The following DPYS variants were observed in gnomAD, a reference collection of about 807,000 sequenced individuals.
DPYS encodes the protein dihydropyrimidinase, also known as dihydropyrimidine amidohydrolase.
Under a neutral mutation model 50.3 loss-of-function variants are expected in DPYS, and 39 were observed. The ratio of observed to expected loss-of-function variants is 0.78; its 90% CI spans 0.60 to 1.01. The LOEUF (loss-of-function observed/expected upper bound fraction) is 1.01, where lower values mean the gene tolerates loss of function less well. Ranked by LOEUF, DPYS falls within the 50% of genes least tolerant of loss-of-function variation. The pLI is 0.00. For missense variants in DPYS, 659 were observed against 680.9 expected (o/e 0.97, Z 0.36); for synonymous variants, 245 against 250.7 (o/e 0.98, Z 0.22).
Position 104,444,336 on chromosome 8 carries a change from G to A in DPYS, c.705C>T (p.Thr235=). 1 of 1,614,262 alleles carries A rather than the reference G, an allele frequency of 6.2e-7. No homozygotes were observed. Among genetic ancestry groups the A allele is most frequent in the Admixed American group, 1.7e-5 (1 of 60,028 alleles). ...VEAEATLRAI[T]IASAVNCPLY... ...GAGGACAGTTCACAGCGCTGGCTAT[G>A]GTGATGGCTCTCAGCGTGGCCTCTG... The change falls in exon 4 of 10, where the codon ACC becomes ACT. Residue 235 remains threonine (T), a synonymous_variant. Transcript: ENST00000351513.
At chr8:104,443,891 A>G (rs1813436497) in intron 4 of DPYS, among the ~76,000 whole-genome samples, 1 of 152,140 alleles carries the variant, frequency 6.6e-6, no homozygotes, top group Non-Finnish European at 1.5e-5. Flanking sequence ...AGACTCCATC[A>G]CAAAACAAAC....
rs563557950 is a variant in DPYS at position 104,387,466 on chromosome 8, G to A, written c.1443+5318C>T. Reference sequence around the variant, plus strand: ...GAGGAAGTGAACCCTCTGTGCAGAGGGGAGACTGAGGGAGCGATATCATAA... The same window carrying A: ...GAGGAAGTGAACCCTCTGTGCAGAGAGGAGACTGAGGGAGCGATATCATAA... On this transcript the variant is annotated intron_variant, in intron 8 of 9. Coordinates refer to ENST00000351513, the MANE Select transcript of DPYS (RefSeq NM_001385.3). 2.2e-4 allele frequency among the ~76,000 whole-genome samples: 33 copies of A among 152,268 alleles called. No homozygotes were observed. In the South Asian group the frequency reaches 6.6e-3, roughly 31 times the overall value.
At chr8:104,403,636 A>C (rs1038883035) in intron 7 of DPYS, among the ~76,000 whole-genome samples, 1 of 152,232 alleles carries the variant, frequency 6.6e-6, no homozygotes, top group Non-Finnish European at 1.5e-5. Flanking sequence ...TGAAAGGAAG[A>C]AGATGACCTA....
intron 7 of DPYS, chr8:104,421,486 T>C (rs929302795): frequency 3.9e-5 from 6 of 151,904 alleles, no homozygotes; most frequent in Non-Finnish European, 7.4e-5. Context: ...ACAAAAAAAT[T>C]AGCCGGGCGT....
Position 104,397,385 on chromosome 8 carries a change from T to G in DPYS, c.1236-4394A>C, listed in dbSNP as rs369866551. ...AGGTGCTTTATAAACATTTATGTGA[T>G]GATCAAATTAAAAGATTGCATGATT... On this transcript the variant is annotated intron_variant, in intron 7 of 9. Transcript: ENST00000351513. Among the ~76,000 whole-genome samples, 6 of 152,378 alleles carry G rather than the reference T, an allele frequency of 3.9e-5. 1 individual carries two copies. The highest frequency in any genetic ancestry group is 1.4e-4 in the African/African-American group (6 of 41,588).
At chr8:104,418,318 A>G (rs1812433370) in intron 7 of DPYS, among the ~76,000 whole-genome samples, 1 of 152,182 alleles carries the variant, frequency 6.6e-6, no homozygotes, top group Non-Finnish European at 1.5e-5. Context: ...ATTTTGTAGG[A>G]AAATTTGGGC....
intron 1 of DPYS, among the ~76,000 whole-genome samples, chr8:104,452,898 G>T (rs1813799424): frequency 6.6e-6 from 1 of 152,170 alleles, no homozygotes; most frequent in Admixed American, 6.5e-5. Context: ...TTCATGGTAA[G>T]TGCTTTATGG....
Position 104,389,476 on chromosome 8 carries a change from C to A in DPYS, c.1443+3308G>T, listed in dbSNP as rs553781024. On this transcript the variant is annotated intron_variant, in intron 8 of 9. Transcript: ENST00000351513. ...CATTTTATTTAATATCTTTTCCACA[C>A]CAACATTTTTTGAATAAGGCATTTC... Among the ~76,000 whole-genome samples the A allele has an allele frequency of 3.7e-4, 56 of 152,198 alleles. No individual in the cohort carries two copies. In the South Asian group the frequency reaches 6.0e-3, roughly 16 times the overall value.
chr8:104,413,079 C>T (rs1268584286), intron 7 of DPYS, among the ~76,000 whole-genome samples: 9 of 152,094 alleles, frequency 5.9e-5, no homozygotes, highest in Non-Finnish European at 1.2e-4. Context: ...CAGAGAAACT[C>T]TCACACATAT....
At chr8:104,434,263 T>C (rs915768082) in intron 4 of DPYS, among the ~76,000 whole-genome samples, 5 of 152,326 alleles carry the variant, frequency 3.3e-5, no homozygotes, top group East Asian at 1.9e-4. Flanking sequence ...AGTTTTATCA[T>C]GCAGATGAAG....
intron 6 of DPYS, among the ~76,000 whole-genome samples, chr8:104,425,554 C>T (rs535172195): frequency 6.6e-6 from 1 of 151,904 alleles, no homozygotes; most frequent in African/African-American, 2.4e-5. Context: ...TTCGGGAGGC[C>T]GAGGCAATCC....
At chr8:104,451,186 C>G in intron 2 of DPYS, 60 bp downstream of exon 2, 2 of 1,609,214 alleles carry the variant, frequency 1.2e-6, no homozygotes, top group Non-Finnish European at 1.7e-6. Flanking sequence ...CAGTTTCTTG[C>G]TCTTGTGCAG....
At chr8:104,432,338 A>G (rs559004581) in intron 4 of DPYS, among the ~76,000 whole-genome samples, 1 of 152,328 alleles carries the variant, frequency 6.6e-6, no homozygotes, top group South Asian at 2.1e-4. Context: ...CAAACTCTCC[A>G]CTGACCAGAC....
chr8:104,394,286 A>G (rs1811504944), intron 7 of DPYS, among the ~76,000 whole-genome samples: 1 of 152,194 alleles, frequency 6.6e-6, no homozygotes, highest in Non-Finnish European at 1.5e-5. Flanking sequence ...AATGAACAAG[A>G]TAACACTGGC....
chr8:104,450,708 C>G (rs1366706694), intron 2 of DPYS, among the ~76,000 whole-genome samples: 7 of 152,172 alleles, frequency 4.6e-5, no homozygotes, highest in Non-Finnish European at 1.5e-5. Context: ...GAAGATCACT[C>G]GGTCAAGATA....
chr8:104,458,085 T>C (rs1415933726), intron 1 of DPYS, among the ~76,000 whole-genome samples: 1 of 152,158 alleles, frequency 6.6e-6, no homozygotes, highest in African/African-American at 2.4e-5. Context: ...GGTGTGTTAA[T>C]GAGTAGGTTA....
chr8:104,396,547 A>C (rs974994166), intron 7 of DPYS, among the ~76,000 whole-genome samples: 2 of 152,212 alleles, frequency 1.3e-5, no homozygotes, highest in African/African-American at 4.8e-5. Flanking sequence ...CTAGAATTAA[A>C]AATACTCTGG....
In DPYS at chr8:104,382,688, T is replaced by C. The variant is rs149438497; in HGVS notation, c.1444-1374A>G. On this transcript the variant is annotated intron_variant, in intron 8 of 9. Transcript: ENST00000351513. ...GCACTAAACATAATTAACGTAAGTA[T>C]AATCCAGGCCCGTCTGAGCAAACCA... 6.6e-5 allele frequency among the ~76,000 whole-genome samples: 10 copies of C among 152,308 alleles called. No individual in the cohort carries two copies. In the East Asian group the frequency reaches 1.7e-3, roughly 26 times the overall value.
rs1350036823 is a variant in DPYS, at chr8:104,382,544, T to TG, written c.1444-1231_1444-1230insC. On this transcript the variant is annotated intron_variant, in intron 8 of 9. Coordinates refer to ENST00000351513, the MANE Select transcript of DPYS (RefSeq NM_001385.3). ...TTTCAGGTCCTTGGTCCCTGTTTTT[T>TG]TTTTTTTTTTTTCTTCTCCTGACTT... Among the ~76,000 whole-genome samples the TG allele has an allele frequency of 3.3e-5, 5 of 151,226 alleles. No homozygotes were observed. In the East Asian group the frequency reaches 7.8e-4, roughly 23 times the overall value.
Sources: allele counts gnomAD v4.1 joint callset (sites outside exome capture counted in the v4.1 genomes callset), GRCh38; gene constraint gnomAD v4.1.1; transcripts MANE v1.5; gene names NCBI Gene and HGNC (gene_info 2026-07-23, HGNC 2026-07-21).